CCDC170: variants seen among roughly 807,000 people sequenced by gnomAD.
CCDC170 encodes the protein coiled-coil domain-containing protein 170.
In CCDC170, 69 loss-of-function variants were observed where a neutral mutation model predicts 72.6. The observed-to-expected ratio is 0.95, with a 90% CI of 0.78 to 1.16. The LOEUF (loss-of-function observed/expected upper bound fraction) is 1.16. Ranked by LOEUF, CCDC170 falls within the 50% of genes most tolerant of loss-of-function variation. The probability of loss-of-function intolerance (pLI) is 0.00; values close to 1 mark genes in which losing one functional copy is unlikely to be tolerated. For missense variants in CCDC170, 852 were observed against 832.5 expected, an observed-to-expected ratio of 1.02 and a Z score of -0.29; for synonymous variants, 300 against 303.9, an observed-to-expected ratio of 0.99 and a Z score of 0.13.
intron 1 of CCDC170, among the ~76,000 whole-genome samples, chr6:151,515,310 T>TTA (rs1782218517): frequency 6.6e-6 from 1 of 152,146 alleles, no homozygotes. Flanking sequence ...TGAGACGGAG[T>TTA]CTCACTCTGT....
chr6:151,578,974 A>G (rs1022790755), intron 6 of CCDC170, among the ~76,000 whole-genome samples: 2 of 152,128 alleles, frequency 1.3e-5, no homozygotes, highest in African/African-American at 4.8e-5. Context: ...CTTTTAGGGC[A>G]TTATGACTTT....
At position 151,572,083 on chromosome 6, in the gene CCDC170, G is replaced by A. The variant is rs890152055; in HGVS notation, c.775-1091G>A. 3.3e-5 allele frequency among the ~76,000 whole-genome samples: 5 copies of A among 152,134 alleles called. No homozygotes were observed. The East Asian group carries it at 5.8e-4, about 18-fold the overall frequency. On this transcript the variant is annotated intron_variant, in intron 5 of 10. Transcript: ENST00000239374. ...TGCCCAGGCTGGTCTCCAACTCCTG[G>A]GCTCAAGCAATCTTTTGTCTCGATC...
rs961265093 is a variant in CCDC170, at chr6:151,554,765, G to A, written c.774+6276G>A. On this transcript the variant is annotated intron_variant, in intron 5 of 10. Transcript: ENST00000239374. The stretch of plus-strand genomic sequence containing the variant: ...AAGACAGAGAGACACTGCGCAGAGC[G>A]GTTAAGAAGCTAGGCTCTTTAATTA... Among the ~76,000 whole-genome samples, 13 of 151,996 alleles carry A rather than the reference G, an allele frequency of 8.6e-5. No homozygotes were observed. The East Asian group carries it at 1.5e-3, about 18-fold the overall frequency.
At chr6:151,597,072 C>T (rs55740107) in intron 9 of CCDC170, among the ~76,000 whole-genome samples, 3,648 of 152,106 alleles carry the variant, frequency 0.024, 146 homozygotes, top group African/African-American at 0.082. Context: ...GTGATCCGCC[C>T]GCCTTGGCCT....
At chr6:151,528,479 G>T (rs1782444623) in intron 1 of CCDC170, among the ~76,000 whole-genome samples, 1 of 152,070 alleles carries the variant, frequency 6.6e-6, no homozygotes, top group Non-Finnish European at 1.5e-5. Context: ...GTCTGTCCTT[G>T]TCTCTTTTTT....
chr6:151,533,054 T>C (rs1177018539), intron 1 of CCDC170, among the ~76,000 whole-genome samples: 10 of 24,814 alleles, frequency 4.0e-4, no homozygotes, highest in Non-Finnish European at 7.7e-4. Context: ...CTATTTCTCT[T>C]TTTTTTTTTT....
At chr6:151,505,957 C>T (rs1055316823) in intron 1 of CCDC170, among the ~76,000 whole-genome samples, 24 of 152,004 alleles carry the variant, frequency 1.6e-4, no homozygotes, top group African/African-American at 5.1e-4. Context: ...AAACAAACAG[C>T]GGGCATGGTG....
chr6:151,527,289 T>C (rs1782426423), intron 1 of CCDC170, among the ~76,000 whole-genome samples: 1 of 152,110 alleles, frequency 6.6e-6, no homozygotes, highest in South Asian at 2.1e-4. Flanking sequence ...TTTTTCACCG[T>C]ACTTGATTTT....
chr6:151,608,100 G>A (rs922724774), intron 9 of CCDC170, among the ~76,000 whole-genome samples: 13 of 152,038 alleles, frequency 8.6e-5, no homozygotes, highest in African/African-American at 3.1e-4. Context: ...GCATGATCTA[G>A]TCTATTGTTG....
chr6:151,583,877 G>T (rs1776413741), intron 6 of CCDC170, among the ~76,000 whole-genome samples: 1 of 152,220 alleles, frequency 6.6e-6, no homozygotes, highest in African/African-American at 2.4e-5. Context: ...GGGTCAGCCA[G>T]TTAGTGGAAA....
Position 151,522,938 on chromosome 6 carries a change from C to T in CCDC170, c.58-13380C>T, listed in dbSNP as rs746354513. Among the ~76,000 whole-genome samples, 43 of 152,116 alleles carry T rather than the reference C, an allele frequency of 2.8e-4. 1 individual carries two copies. The highest frequency in any genetic ancestry group is 5.9e-4 in the Admixed American group (9 of 15,264). On this transcript the variant is annotated intron_variant, in intron 1 of 10. Transcript: ENST00000239374. The stretch of plus-strand genomic sequence containing the variant: ...TTTATTCCTTTACTTTCTTAATAAG[C>T]TTGCTTTTACCTTATTCTGTGGACT...
chr6:151,608,310 G>C (rs1433634755), intron 9 of CCDC170, among the ~76,000 whole-genome samples: 1 of 152,060 alleles, frequency 6.6e-6, no homozygotes, highest in Non-Finnish European at 1.5e-5. Context: ...GCATTTCATA[G>C]AGGTCCTTTT....
At chr6:151,510,767 G>A (rs150884526) in intron 1 of CCDC170, among the ~76,000 whole-genome samples, 19 of 150,640 alleles carry the variant, frequency 1.3e-4, no homozygotes, top group African/African-American at 3.7e-4. Flanking sequence ...ATAGAGTCTC[G>A]CTTTGTCACC....
intron 5 of CCDC170, among the ~76,000 whole-genome samples, chr6:151,554,806 T>C (rs1782946670): frequency 1.3e-5 from 2 of 151,884 alleles, no homozygotes; most frequent in African/African-American, 4.8e-5. Context: ...CTTGGGTTTT[T>C]ATCCTGGCTC....
chr6:151,569,491 A>G (rs4339477), intron 5 of CCDC170, among the ~76,000 whole-genome samples: 10,211 of 152,306 alleles, frequency 0.067, 947 homozygotes, highest in African/African-American at 0.22. Flanking sequence ...TCCCCATCAC[A>G]GTCTATAGGG....
intron 1 of CCDC170, among the ~76,000 whole-genome samples, chr6:151,506,582 A>G (rs1165435683): frequency 1.3e-5 from 2 of 152,368 alleles, no homozygotes; most frequent in East Asian, 3.9e-4. Flanking sequence ...TCCTTCTCCA[A>G]TCCTGGCAGG....
chr6:151,579,286 C>T (rs1776348951), intron 6 of CCDC170, among the ~76,000 whole-genome samples: 1 of 152,166 alleles, frequency 6.6e-6, no homozygotes. Context: ...TATGTTCACT[C>T]AGGCACTGGC....
intron 5 of CCDC170, among the ~76,000 whole-genome samples, chr6:151,565,470 G>A (rs1776120699): frequency 6.6e-6 from 1 of 152,186 alleles, no homozygotes; most frequent in Non-Finnish European, 1.5e-5. Flanking sequence ...GCTTCTCTGT[G>A]CTCCCAGCCA....
chr6:151,616,888 C>T (rs1776976671), intron 10 of CCDC170, among the ~76,000 whole-genome samples: 1 of 152,104 alleles, frequency 6.6e-6, no homozygotes. Context: ...AGGGCTCCAC[C>T]CTCATGATCT....
Sources: gnomAD v4.1 joint callset for allele counts (sites outside exome capture counted in the v4.1 genomes callset) on GRCh38, gnomAD v4.1.1 for gene constraint, MANE v1.5 for transcripts, NCBI Gene and HGNC (gene_info 2026-07-23, HGNC 2026-07-21) for gene names.